PLD5: variants seen among roughly 807,000 people sequenced by gnomAD.
The protein encoded by PLD5 is phospholipase D family member 5, also known as inactive phospholipase D5.
Under a neutral mutation model 61.1 loss-of-function variants are expected in PLD5, and 36 were observed. The ratio of observed to expected loss-of-function variants is 0.59; its 90% CI spans 0.45 to 0.78. The LOEUF (loss-of-function observed/expected upper bound fraction) is 0.78, where lower values mean the gene tolerates loss of function less well. Among genes scored for constraint, PLD5 ranks in the 30% least tolerant of loss-of-function variants. The pLI is 0.00. For synonymous variants in PLD5, 243 were observed against 242.8 expected (o/e 1.00, Z -0.01); for missense variants, 515 against 644.4 (o/e 0.80, Z 2.17).
chr1:242,390,558 G>T (rs184864321), intron 1 of PLD5, among the ~76,000 whole-genome samples: 11 of 152,256 alleles, frequency 7.2e-5, no homozygotes, highest in Admixed American at 3.3e-4. Context: ...TGACCTTGGT[G>T]TAATTGTTTA....
intron 1 of PLD5, among the ~76,000 whole-genome samples, chr1:242,514,853 C>T (rs531901787): frequency 1.3e-5 from 2 of 152,170 alleles, no homozygotes; most frequent in African/African-American, 2.4e-5. Flanking sequence ...CAGTCACCCA[C>T]ATGAAGACAA....
intron 5 of PLD5, among the ~76,000 whole-genome samples, chr1:242,195,720 G>A (rs1213137145): frequency 6.6e-6 from 1 of 152,054 alleles, no homozygotes; most frequent in East Asian, 1.9e-4. Context: ...TACCCCATAG[G>A]GCAGTAACAG....
At chr1:242,486,186 A>C (rs1171379446) in intron 1 of PLD5, among the ~76,000 whole-genome samples, 5 of 152,198 alleles carry the variant, frequency 3.3e-5, no homozygotes, top group Non-Finnish European at 7.3e-5. Context: ...CACCAAAAGC[A>C]ATGGCAACAA....
chr1:242,481,980 T>C (rs1411410871), intron 1 of PLD5, among the ~76,000 whole-genome samples: 1 of 152,108 alleles, frequency 6.6e-6, no homozygotes, highest in Admixed American at 6.5e-5. Context: ...AAACACCAAC[T>C]GACTTGCAGC....
chr1:242,125,778 T>C (rs1418796345), intron 5 of PLD5, among the ~76,000 whole-genome samples: 2 of 152,118 alleles, frequency 1.3e-5, no homozygotes, highest in East Asian at 1.9e-4. Flanking sequence ...AGAGGTCATC[T>C]ACCATGTATG....
intron 5 of PLD5, among the ~76,000 whole-genome samples, chr1:242,187,715 T>C (rs1667994291): frequency 1.3e-5 from 2 of 152,178 alleles, no homozygotes; most frequent in African/African-American, 2.4e-5. Context: ...TCCAGACATA[T>C]GTCACTGTTT....
chr1:242,243,411 T>C (rs35910815), intron 4 of PLD5, among the ~76,000 whole-genome samples: 31,547 of 152,140 alleles, frequency 0.21, 3,604 homozygotes, highest in East Asian at 0.37. Flanking sequence ...GGGTATATCC[T>C]GGGAAGAGCT....
At chr1:242,390,679 A>G (rs1424596207) in intron 1 of PLD5, among the ~76,000 whole-genome samples, 1 of 152,194 alleles carries the variant, frequency 6.6e-6, no homozygotes, top group Non-Finnish European at 1.5e-5. Flanking sequence ...CAGTAAAAAC[A>G]TAAAGTTCCT....
rs921076043 is a variant in PLD5, at chr1:242,160,513, A to G, written c.736-35848T>C. On this transcript the variant is annotated intron_variant, in intron 5 of 9. Transcript: ENST00000536534. ...TAAATGGCCCCTAGGATGTGGTTAAATAAATGACAATATGTCCATGTAAGT... is the reference window on the plus strand; with the variant it reads ...TAAATGGCCCCTAGGATGTGGTTAAGTAAATGACAATATGTCCATGTAAGT... 6.6e-5 allele frequency among the ~76,000 whole-genome samples: 10 copies of G among 152,334 alleles called. No individual in the cohort carries two copies. The East Asian group carries it at 7.7e-4, about 12-fold the overall frequency.
chr1:242,350,970 C>A (rs10803038), intron 1 of PLD5, among the ~76,000 whole-genome samples: 7,470 of 151,318 alleles, frequency 0.049, 632 homozygotes, highest in African/African-American at 0.17. Context: ...GGCGTGATCA[C>A]CGCTCACCGC....
intron 2 of PLD5, among the ~76,000 whole-genome samples, chr1:242,337,164 G>T: frequency 9.4e-6 from 1 of 106,364 alleles, no homozygotes; most frequent in Admixed American, 9.9e-5. Flanking sequence ...CTTCTCAATG[G>T]CTTGTGATGG....
chr1:242,124,652 C>T lies in PLD5; in HGVS notation c.749G>A (p.Gly250Asp), dbSNP rs1170218969. 1 of 1,613,096 alleles carries T rather than the reference C, an allele frequency of 6.2e-7. No individual in the cohort carries two copies. Among genetic ancestry groups the T allele is most frequent in the Admixed American group, 1.7e-5 (1 of 59,950 alleles). Residue 250 changes from glycine to aspartate, a missense_variant, in exon 6 of 10, where the codon GGT (glycine) becomes GAT (aspartate). Physicochemically the swap from Gly to Asp is moderately conservative, Grantham distance 94. This residue lies in a region of PLD5 where 450 missense variants were observed against 598.1 expected (regional missense o/e 0.75). Transcript: ENST00000536534. ...WQSLGQMKEL[G>D]VIFYNCSCLV... ...GCAGCTGCAGTTGTAGAAGATGACA[C>T]CGAGTTCTTTCATCTGTGAAATTAA...
At position 242,084,750 on chromosome 1, in the gene PLD5, GTTTTTTTTTTTT is replaced by G. The variant is rs1162808490; in HGVS notation, c.*5092_*5103del. The G allele has an allele frequency of 5.4e-5, 4 of 73,604 alleles. No individual in the cohort carries two copies. Among genetic ancestry groups the G allele is most frequent in the Non-Finnish European group, 9.5e-5 (4 of 41,966 alleles). The allele number at this position is 73,604 out of a possible 1,614,324, so 4.6% of individuals were successfully genotyped here. A position where few individuals can be genotyped will look rare whatever the true frequency, so the allele number is the denominator to read the frequency against. On this transcript the variant is annotated 3_prime_UTR_variant, in exon 10 of 10. Coordinates refer to ENST00000536534, the MANE Select transcript of PLD5 (RefSeq NM_001372062.1). ...CTCAGAATGAACATTTATTGGAAAG[GTTTTTTTTTTTT>G]TTTTTTTTTTTTTTTTAGAGAAAGA...
At chr1:242,479,590 T>C (rs1667704989) in intron 1 of PLD5, among the ~76,000 whole-genome samples, 1 of 152,234 alleles carries the variant, frequency 6.6e-6, no homozygotes, top group Non-Finnish European at 1.5e-5. Context: ...GTTAAGATTT[T>C]AATTCTCCCA....
chr1:242,096,360 G>C (rs951827278), intron 9 of PLD5, among the ~76,000 whole-genome samples: 2 of 147,160 alleles, frequency 1.4e-5, no homozygotes, highest in Non-Finnish European at 3.0e-5. Context: ...TTTCCCTCTT[G>C]AGATGGAGTC....
At position 242,421,958 on chromosome 1, in the gene PLD5, TA is replaced by T. The variant is rs748995529; in HGVS notation, c.190-73717del. Among the ~76,000 whole-genome samples the T allele has an allele frequency of 1.6e-3, 238 of 152,300 alleles. 1 individual carries two copies. Among genetic ancestry groups the T allele is most frequent in the Non-Finnish European group, 4.6e-4 (31 of 68,018 alleles). On this transcript the variant is annotated intron_variant, in intron 1 of 9. Transcript: ENST00000536534. ...AGCAGGGCATGCGCCATCTTGATTT[TA>T]AAAGCAAAATAAAATTCAAATGAAG...
At chr1:242,512,061 C>T (rs1295311393) in intron 1 of PLD5, among the ~76,000 whole-genome samples, 1 of 151,960 alleles carries the variant, frequency 6.6e-6, no homozygotes, top group Admixed American at 6.6e-5. Context: ...TCAGTTGAGT[C>T]AGAAAGTCAG....
At chr1:242,408,299 T>A (rs904999056) in intron 1 of PLD5, among the ~76,000 whole-genome samples, 1 of 152,148 alleles carries the variant, frequency 6.6e-6, no homozygotes, top group African/African-American at 2.4e-5. Flanking sequence ...AAGGTGTTAA[T>A]AATTATGGAG....
At position 242,128,328 on chromosome 1, in the gene PLD5, A is replaced by G. The variant is rs541897009; in HGVS notation, c.736-3663T>C. Among the ~76,000 whole-genome samples, 72 of 151,082 alleles carry G rather than the reference A, an allele frequency of 4.8e-4. 1 individual carries two copies. The highest frequency in any genetic ancestry group is 4.7e-3 in the Admixed American group (71 of 15,150). ...TCAAGGAAAGAAAGAAAAAAAAAAA[A>G]CCATGCTATTTCCCTATCCACCTTG... is the stretch of plus-strand genomic sequence containing the variant. On this transcript the variant is annotated intron_variant, in intron 5 of 9. Transcript: ENST00000536534.
Sources: allele counts gnomAD v4.1 joint callset (sites outside exome capture counted in the v4.1 genomes callset), GRCh38; gene constraint gnomAD v4.1.1; regional missense constraint gnomAD v4.1.1; transcripts MANE v1.5; gene names NCBI Gene and HGNC (gene_info 2026-07-23, HGNC 2026-07-21).